RCAN2: variants seen among roughly 807,000 people sequenced by gnomAD.
The protein encoded by RCAN2 is regulator of calcineurin 2, also known as calcipressin-2.
RCAN2 carries 9 observed loss-of-function variants against 23.6 expected under a neutral mutation model. The observed-to-expected ratio is 0.38, with a 90% CI of 0.23 to 0.67. RCAN2 has a LOEUF of 0.67. RCAN2 is among the 30% of genes least tolerant of loss of function. RCAN2 has a pLI of 0.51. For synonymous variants in RCAN2, 109 were observed against 115.7 expected (o/e 0.94, Z 0.37); for missense variants, 273 against 302.3 (o/e 0.90, Z 0.72).
chr6:46,418,489 C>T (rs1041365327), intron 2 of RCAN2, among the ~76,000 whole-genome samples: 2 of 151,976 alleles, frequency 1.3e-5, no homozygotes, highest in African/African-American at 2.4e-5. Context: ...TGTAACCACC[C>T]TTTAATGACT....
intron 2 of RCAN2, among the ~76,000 whole-genome samples, chr6:46,354,674 G>A (rs1029185513): frequency 6.6e-6 from 1 of 152,188 alleles, no homozygotes; most frequent in Non-Finnish European, 1.5e-5. Context: ...AGCAAAGTGA[G>A]GCCAATGTAG....
At chr6:46,233,206 G>A (rs536759901) in intron 4 of RCAN2, among the ~76,000 whole-genome samples, 9 of 152,242 alleles carry the variant, frequency 5.9e-5, no homozygotes, top group African/African-American at 1.7e-4. Flanking sequence ...AAAGTTCCAC[G>A]GTGAACAATG....
At chr6:46,405,947 A>G (rs1424611180) in intron 2 of RCAN2, among the ~76,000 whole-genome samples, 3 of 152,214 alleles carry the variant, frequency 2.0e-5, no homozygotes, top group African/African-American at 4.8e-5. Context: ...GAGATCGAGC[A>G]CAGCGCCGGT....
chr6:46,311,275 C>A (rs963484840), intron 2 of RCAN2, among the ~76,000 whole-genome samples: 2 of 152,204 alleles, frequency 1.3e-5, no homozygotes, highest in African/African-American at 4.8e-5. Flanking sequence ...CAGCCCATGG[C>A]TGTATCATGG....
At chr6:46,376,244 G>A (rs1254702133) in intron 2 of RCAN2, among the ~76,000 whole-genome samples, 1 of 152,186 alleles carries the variant, frequency 6.6e-6, no homozygotes, top group African/African-American at 2.4e-5. Context: ...GCTATGTAAT[G>A]CCTGGCACAC....
intron 2 of RCAN2, among the ~76,000 whole-genome samples, chr6:46,442,945 CCA>C (rs1767595735): frequency 6.6e-6 from 1 of 152,084 alleles, no homozygotes; most frequent in African/African-American, 2.4e-5. Context: ...CAAATCTGCC[CCA>C]CACTGGGCCT....
At chr6:46,297,970 G>A (rs1762773623) in intron 2 of RCAN2, among the ~76,000 whole-genome samples, 1 of 152,088 alleles carries the variant, frequency 6.6e-6, no homozygotes, top group African/African-American at 2.4e-5. Context: ...GAAACACTTT[G>A]AAACAAATTT....
intron 2 of RCAN2, among the ~76,000 whole-genome samples, chr6:46,344,807 G>A (rs1764433472): frequency 6.6e-6 from 1 of 151,518 alleles, no homozygotes; most frequent in African/African-American, 2.4e-5. Context: ...AAGGAATATA[G>A]GCCAGATAGA....
chr6:46,491,278 G>T lies in RCAN2; in HGVS notation c.-108C>A, dbSNP rs1022801796. 6.6e-6 allele frequency: 1 copy of T among 151,072 alleles called. No individual in the cohort carries two copies. The highest frequency in any genetic ancestry group is 2.4e-5 in the African/African-American group (1 of 41,278). The allele number at this position is 151,072 out of a possible 1,614,324, so 9.4% of individuals were successfully genotyped here. A position where few individuals can be genotyped will look rare whatever the true frequency, so the allele number is the denominator to read the frequency against. On this transcript the variant is annotated 5_prime_UTR_variant, in exon 1 of 5. Transcript: ENST00000371374. Reference sequence around the variant, plus strand: ...CGCGGCGCTGCCTGCTCACCTGCCCGCCGGTGCGAGCGCGTGGGGGCGGCG... The same window carrying T: ...CGCGGCGCTGCCTGCTCACCTGCCCTCCGGTGCGAGCGCGTGGGGGCGGCG...
At chr6:46,429,811 G>A (rs1398056939) in intron 2 of RCAN2, among the ~76,000 whole-genome samples, 2 of 152,188 alleles carry the variant, frequency 1.3e-5, no homozygotes, top group African/African-American at 4.8e-5. Flanking sequence ...CACTCTAAAA[G>A]TGTATCCCAG....
Position 46,409,281 on chromosome 6 carries a change from A to G in RCAN2, c.225+47471T>C, listed in dbSNP as rs183173517. 5.3e-5 allele frequency among the ~76,000 whole-genome samples: 8 copies of G among 152,348 alleles called. No individual in the cohort carries two copies. The East Asian group carries it at 1.5e-3, about 29-fold the overall frequency. On this transcript the variant is annotated intron_variant, in intron 2 of 4. Coordinates refer to ENST00000371374, the MANE Select transcript of RCAN2 (RefSeq NM_001251974.2). ...GCAATAACTAAAAATCACATTTAGT[A>G]AGTATGGAAGGGTTATATAACCAAA... is the stretch of plus-strand genomic sequence containing the variant.
chr6:46,478,518 T>C (rs905609593), intron 1 of RCAN2, among the ~76,000 whole-genome samples: 5 of 152,188 alleles, frequency 3.3e-5, no homozygotes, highest in African/African-American at 4.8e-5. Context: ...AGCCTTTCCT[T>C]CCTGGTTTCC....
At chr6:46,396,741 T>G (rs1378982242) in intron 2 of RCAN2, among the ~76,000 whole-genome samples, 1 of 152,210 alleles carries the variant, frequency 6.6e-6, no homozygotes, top group Non-Finnish European at 1.5e-5. Flanking sequence ...TGAAGTTTTT[T>G]TGTTTGTTTT....
chr6:46,253,656 G>T (rs1392561415), intron 2 of RCAN2, among the ~76,000 whole-genome samples: 1 of 152,038 alleles, frequency 6.6e-6, no homozygotes, highest in Non-Finnish European at 1.5e-5. Flanking sequence ...TTCTTTTTCT[G>T]CTTTTTTTCT....
At chr6:46,264,784 T>G (rs1044516060) in intron 2 of RCAN2, among the ~76,000 whole-genome samples, 2 of 152,208 alleles carry the variant, frequency 1.3e-5, no homozygotes, top group African/African-American at 4.8e-5. Flanking sequence ...CTTTGCACAG[T>G]GGTTACATTT....
intron 1 of RCAN2, among the ~76,000 whole-genome samples, chr6:46,466,056 T>TG (rs773797332): frequency 2.6e-5 from 4 of 152,096 alleles, no homozygotes; most frequent in Non-Finnish European, 5.9e-5. Flanking sequence ...CCTGCACCAC[T>TG]GGGGGAGATG....
chr6:46,432,556 G>A (rs1344435830), intron 2 of RCAN2, among the ~76,000 whole-genome samples: 1 of 152,028 alleles, frequency 6.6e-6, no homozygotes, highest in Non-Finnish European at 1.5e-5. Flanking sequence ...ATAATTTGGT[G>A]TGCTTCATCA....
intron 4 of RCAN2, among the ~76,000 whole-genome samples, chr6:46,235,114 T>A (rs1366199709): frequency 6.6e-6 from 1 of 152,170 alleles, no homozygotes; most frequent in Non-Finnish European, 1.5e-5. Context: ...ATAATCAGTA[T>A]GATTATGCAA....
At chr6:46,288,918 G>T (rs961184578) in intron 2 of RCAN2, among the ~76,000 whole-genome samples, 4 of 152,260 alleles carry the variant, frequency 2.6e-5, no homozygotes, top group African/African-American at 9.6e-5. Flanking sequence ...TAAGTATGAT[G>T]TAAATGCAAC....
Sources: allele counts gnomAD v4.1 joint callset (sites outside exome capture counted in the v4.1 genomes callset), GRCh38; gene constraint gnomAD v4.1.1; transcripts MANE v1.5; gene names NCBI Gene and HGNC (gene_info 2026-07-23, HGNC 2026-07-21).